The following ADCY5 variants were observed in gnomAD, a reference collection of about 807,000 sequenced individuals.
ADCY5 encodes the protein adenylate cyclase 5.
A neutral mutation model predicts 119.7 loss-of-function variants in ADCY5; 30 were observed. The observed-to-expected ratio is 0.25, with a 90% CI of 0.19 to 0.34. ADCY5 has a LOEUF of 0.34. Ranked by LOEUF, ADCY5 falls within the 10% of genes least tolerant of loss-of-function variation. ADCY5 has a pLI of 1.00. For synonymous variants in ADCY5, 753 were observed against 762.2 expected (o/e 0.99, Z 0.20); for missense variants, 1,324 against 1,775.2 (o/e 0.75, Z 4.57).
At chr3:123,360,877 T>G (rs1239423637) in intron 1 of ADCY5, among the ~76,000 whole-genome samples, 2 of 151,962 alleles carry the variant, frequency 1.3e-5, no homozygotes, top group African/African-American at 4.8e-5. Context: ...CAAATCCCTG[T>G]AAGATAAGCA....
At chr3:123,413,294 A>T (rs766141920) in intron 1 of ADCY5, among the ~76,000 whole-genome samples, 12 of 152,226 alleles carry the variant, frequency 7.9e-5, no homozygotes, top group Non-Finnish European at 1.8e-4. Flanking sequence ...AAACTGAAGC[A>T]GGCAGGAGCA....
intron 7 of ADCY5, among the ~76,000 whole-genome samples, chr3:123,327,406 A>G (rs569056717): frequency 1.3e-5 from 2 of 152,174 alleles, no homozygotes; most frequent in African/African-American, 2.4e-5. Context: ...GGCCTGTTGC[A>G]TTTTTGCAAA....
At chr3:123,367,254 C>A (rs1214787170) in intron 1 of ADCY5, among the ~76,000 whole-genome samples, 2 of 152,182 alleles carry the variant, frequency 1.3e-5, no homozygotes, top group Non-Finnish European at 2.9e-5. Context: ...CAGACACATT[C>A]CCATACAAAC....
At chr3:123,435,799 T>C (rs538031809) in intron 1 of ADCY5, among the ~76,000 whole-genome samples, 20 of 150,724 alleles carry the variant, frequency 1.3e-4, no homozygotes, top group Admixed American at 9.2e-4. Flanking sequence ...GGTAGGTGGA[T>C]TGCTTGAGCT....
intron 1 of ADCY5, among the ~76,000 whole-genome samples, chr3:123,445,229 G>A (rs1170759130): frequency 1.3e-5 from 2 of 152,206 alleles, no homozygotes; most frequent in African/African-American, 4.8e-5. Context: ...AGGAGCCAGT[G>A]GGGGTGGGGA....
At chr3:123,355,796 C>G (rs1943018639) in intron 1 of ADCY5, among the ~76,000 whole-genome samples, 1 of 151,998 alleles carries the variant, frequency 6.6e-6, no homozygotes, top group Admixed American at 6.5e-5. Flanking sequence ...GTCAATTTTC[C>G]CCAAATTGAT....
chr3:123,400,900 C>T (rs1164517188), intron 1 of ADCY5, among the ~76,000 whole-genome samples: 4 of 151,782 alleles, frequency 2.6e-5, no homozygotes, highest in East Asian at 1.9e-4. Flanking sequence ...GCCGAGATCA[C>T]GCCACTGCAC....
intron 3 of ADCY5, among the ~76,000 whole-genome samples, chr3:123,342,068 T>G (rs556022855): frequency 6.6e-6 from 1 of 152,248 alleles, no homozygotes; most frequent in East Asian, 1.9e-4. Flanking sequence ...GGGCCTGGGA[T>G]TACAAGTATG....
chr3:123,436,136 C>A (rs1349758022), intron 1 of ADCY5, among the ~76,000 whole-genome samples: 1 of 151,640 alleles, frequency 6.6e-6, no homozygotes, highest in Non-Finnish European at 1.5e-5. Flanking sequence ...GTGATCCGCC[C>A]GCCTCAGCCT....
chr3:123,285,637 G>A (rs950015367), intron 20 of ADCY5, among the ~76,000 whole-genome samples: 1 of 152,246 alleles, frequency 6.6e-6, no homozygotes, highest in African/African-American at 2.4e-5. Context: ...TGCAGTTCCT[G>A]TGTGGTGCAG....
chr3:123,357,312 G>GA (rs1437481067), intron 1 of ADCY5, among the ~76,000 whole-genome samples: 1 of 152,126 alleles, frequency 6.6e-6, no homozygotes, highest in East Asian at 1.9e-4. Context: ...GCTGGACAGA[G>GA]AAAGAGTGGC....
Position 123,448,533 on chromosome 3 carries a change from T to C in ADCY5, c.13A>G (p.Lys5Glu). The C allele has an allele frequency of 7.9e-7, 1 of 1,265,562 alleles. No homozygotes were observed. Among genetic ancestry groups the C allele is most frequent in the Non-Finnish European group, 9.9e-7 (1 of 1,007,020 alleles). 78.4% of individuals were successfully genotyped at this position (1,265,562 alleles called of 1,614,324 possible). MSGS[K>E]SVSPPGYAAQ... ...GCGTAGCCCGGGGGGCTCACGCTTT[T>C]GGAGCCGGACATCCCCCCCTCGGCC... The change falls in exon 1 of 21, where the codon AAA becomes GAA. Residue 5 changes from lysine (K) to glutamate (E), a missense_variant. Physicochemically the swap from Lys to Glu is moderately conservative, Grantham distance 56 (BLOSUM62 1). Around this residue, in one of 6 missense-constraint regions of ADCY5, gnomAD observed 585 missense variants for 569.9 expected, o/e 1.03. Transcript: ENST00000462833.
rs559185169 is a variant in ADCY5, at chr3:123,432,764, C to T, written c.1134+14648G>A. 2.0e-5 allele frequency among the ~76,000 whole-genome samples: 3 copies of T among 152,232 alleles called. No individual in the cohort carries two copies. The South Asian group carries it at 6.2e-4, about 32-fold the overall frequency. ...CTGGTCTCTAACTCCTGGCCTCAAG[C>T]AATCTTCCTGCCTCTGCCTCCCAAA... On this transcript the variant is annotated intron_variant, in intron 1 of 20. Coordinates refer to ENST00000462833, the MANE Select transcript of ADCY5 (RefSeq NM_183357.3).
chr3:123,327,155 G>T (rs1941530695), intron 7 of ADCY5, among the ~76,000 whole-genome samples: 2 of 152,128 alleles, frequency 1.3e-5, no homozygotes, highest in South Asian at 4.2e-4. Context: ...GACAAAGGGG[G>T]AAAAAGAAAC....
At chr3:123,333,689 G>T (rs1175405215) in intron 3 of ADCY5, among the ~76,000 whole-genome samples, 14 of 152,248 alleles carry the variant, frequency 9.2e-5, no homozygotes, top group African/African-American at 2.4e-4. Flanking sequence ...CATCTCTCAG[G>T]CCTGCCCGTT....
intron 1 of ADCY5, among the ~76,000 whole-genome samples, chr3:123,442,497 C>T (rs1872560): frequency 0.99 from 150,697 of 152,372 alleles, 74,544 homozygotes; most frequent in Middle Eastern, 1. Context: ...CCTGTCCAAG[C>T]ATTATAAACT....
intron 1 of ADCY5, among the ~76,000 whole-genome samples, chr3:123,415,127 C>T (rs975081663): frequency 2.0e-5 from 3 of 152,316 alleles, no homozygotes; most frequent in South Asian, 2.1e-4. Context: ...CACTGGCCCT[C>T]GGGTCTGATA....
rs766510659 is a variant in ADCY5 at position 123,319,823 on chromosome 3, G to C, written c.2112-5C>G. The C allele has an allele frequency of 6.2e-7, 1 of 1,612,590 alleles. No individual in the cohort carries two copies. The highest frequency in any genetic ancestry group is 2.2e-5 in the East Asian group (1 of 44,842). ...TTCGCACTCTCCTGGGCGTTCCTGG[G>C]GAGCAGAAGGCACGGGCGTGAGACA... is the stretch of plus-strand genomic sequence containing the variant. On this transcript the variant is annotated splice_region_variant and splice_polypyrimidine_tract_variant and intron_variant, in intron 9 of 20. Coordinates refer to ENST00000462833, the MANE Select transcript of ADCY5 (RefSeq NM_183357.3).
rs757156390 is a variant in ADCY5 at position 123,332,657 on chromosome 3, G to C, written c.1425C>G (p.Ile475Met). 1 of 1,612,814 alleles carries C rather than the reference G, an allele frequency of 6.2e-7. No homozygotes were observed. The highest frequency in any genetic ancestry group is 8.5e-7 in the Non-Finnish European group (1 of 1,179,094). Residue 475 changes from isoleucine to methionine, a missense_variant, in exon 4 of 21, where the codon ATC becomes ATG. By Grantham distance (10) the Ile-to-Met change is conservative. This residue lies in a region of ADCY5 where 123 missense variants were observed against 287.9 expected (regional missense o/e 0.43). Coordinates refer to ENST00000462833, the MANE Select transcript of ADCY5 (RefSeq NM_183357.3). ...GGGACGCCAGGCTGGTGAAGCCCTC[G>C]ATGTCAGCAAACAGGATGCTGGGGG... ...HDNVSILFADIEGFTSLASQC... is the reference protein window; with the variant it reads ...HDNVSILFADMEGFTSLASQC...
Sources: gnomAD v4.1 joint callset for allele counts (sites outside exome capture counted in the v4.1 genomes callset) on GRCh38, gnomAD v4.1.1 for gene constraint, gnomAD v4.1.1 regional missense constraint, MANE v1.5 for transcripts, NCBI Gene and HGNC (gene_info 2026-07-23, HGNC 2026-07-21) for gene names.